TSPAN11: variants seen among roughly 807,000 people sequenced by gnomAD.
The protein encoded by TSPAN11 is tetraspanin-11.
In TSPAN11, 29 loss-of-function variants were observed where a neutral mutation model predicts 32.9. The observed-to-expected ratio is 0.88, with a 90% confidence interval of 0.66 to 1.20. The LOEUF (loss-of-function observed/expected upper bound fraction) is 1.20. TSPAN11 is among the 50% of genes most tolerant of loss of function. The probability of loss-of-function intolerance (pLI) is 0.00; values close to 1 mark genes in which losing one functional copy is unlikely to be tolerated. For synonymous variants in TSPAN11, 140 were observed against 141.3 expected, an observed-to-expected ratio of 0.99 and a Z score of 0.07; for missense variants, 283 against 329.1, an observed-to-expected ratio of 0.86 and a Z score of 1.08.
downstream of TSPAN11, among the ~76,000 whole-genome samples, chr12:31,000,621 A>G (rs1409078153): frequency 6.6e-6 from 1 of 152,112 alleles, no homozygotes; most frequent in Non-Finnish European, 1.5e-5. Context: ...AGGTTCTCCA[A>G]CTCCCAAACC....
chr12:30,982,793 G>T, intron 6 of TSPAN11, 103 bp downstream of exon 6: 1 of 1,451,064 alleles, frequency 6.9e-7, no homozygotes, highest in Non-Finnish European at 9.2e-7. Flanking sequence ...GGAAAAGCAG[G>T]ACACATGTGC....
chr12:30,952,585 G>A (rs1026346772), intron 1 of TSPAN11, among the ~76,000 whole-genome samples: 1 of 152,186 alleles, frequency 6.6e-6, no homozygotes. Context: ...GTGAGCCCAT[G>A]AGCTTGAAAT....
At position 30,951,586 on chromosome 12, in the gene TSPAN11, A is replaced by C. The variant is rs543901072; in HGVS notation, c.-11-2395A>C. 3.3e-4 allele frequency among the ~76,000 whole-genome samples: 50 copies of C among 152,338 alleles called. No homozygotes were observed. In the South Asian group the frequency reaches 0.01, roughly 31 times the overall value. On this transcript the variant is annotated intron_variant, in intron 1 of 7. Transcript: ENST00000546076. ...TATGAAATGGAAATAACCCTATTTC[A>C]TAGGGGTATTGGGAAGATGGACCGA...
At chr12:31,008,034 C>G in the TSPAN11 span, among the ~76,000 whole-genome samples, 1 of 152,150 alleles carries the variant, frequency 6.6e-6, no homozygotes, top group Non-Finnish European at 1.5e-5. Context: ...CCTGGAACCA[C>G]AGAGAGGCAG....
chr12:30,959,544 C>T (rs924940580), intron 2 of TSPAN11, among the ~76,000 whole-genome samples: 1 of 152,072 alleles, frequency 6.6e-6, no homozygotes, highest in Non-Finnish European at 1.5e-5. Context: ...CTAATAGTGC[C>T]TGAGTTACTA....
intron 1 of TSPAN11, among the ~76,000 whole-genome samples, chr12:30,928,802 C>T (rs1348632994): frequency 6.6e-6 from 1 of 152,122 alleles, no homozygotes; most frequent in Non-Finnish European, 1.5e-5. Context: ...CTAAAGTAGC[C>T]ACCTCCCAGC....
intron 2 of TSPAN11, 33 bp from the exon 3 acceptor site, chr12:30,963,793 C>T (rs1319263004): frequency 4.4e-6 from 7 of 1,592,740 alleles, no homozygotes; most frequent in African/African-American, 2.7e-5. Flanking sequence ...AGGCCCCCGC[C>T]ACCCCCTGCT....
At chr12:30,945,332 G>A (rs951214834) in intron 1 of TSPAN11, among the ~76,000 whole-genome samples, 2 of 152,146 alleles carry the variant, frequency 1.3e-5, no homozygotes, top group Non-Finnish European at 2.9e-5. Context: ...GTCAGCTCCT[G>A]AAGGAGTAAG....
chr12:30,956,805 TTAA>T (rs1938486806), intron 2 of TSPAN11, among the ~76,000 whole-genome samples: 1 of 152,222 alleles, frequency 6.6e-6, no homozygotes, highest in South Asian at 2.1e-4. Context: ...CTTGGCTGTG[TTAA>T]TAATCAAAAC....
intron 1 of TSPAN11, among the ~76,000 whole-genome samples, chr12:30,937,097 A>G (rs1469336048): frequency 6.6e-6 from 1 of 152,242 alleles, no homozygotes; most frequent in Non-Finnish European, 1.5e-5. Context: ...CCAACTTTTC[A>G]AATTCAGCAG....
Position 30,978,549 on chromosome 12 carries a change from CTT to C in TSPAN11, c.277-10_277-9del. 1 of 1,614,142 alleles carries C rather than the reference CTT, an allele frequency of 6.2e-7. No homozygotes were observed. The highest frequency in any genetic ancestry group is 1.1e-5 in the South Asian group (1 of 91,072). ...GATCCCAGTGGTGACCGTCCTCTCT[CTT>C]TGCTGCTAGTATTTCTGCCTGTTGC... On this transcript the variant is annotated splice_polypyrimidine_tract_variant and intron_variant, in intron 3 of 7. Transcript: ENST00000546076.
At chr12:30,952,065 C>T (rs1938393271) in intron 1 of TSPAN11, among the ~76,000 whole-genome samples, 1 of 152,184 alleles carries the variant, frequency 6.6e-6, no homozygotes, top group Non-Finnish European at 1.5e-5. Flanking sequence ...GCCTTGTCTT[C>T]TGCCTGAAGT....
At chr12:30,947,766 G>T (rs1476582274) in intron 1 of TSPAN11, among the ~76,000 whole-genome samples, 1 of 152,064 alleles carries the variant, frequency 6.6e-6, no homozygotes, top group Non-Finnish European at 1.5e-5. Flanking sequence ...TTATCATTCT[G>T]CCCCTAGCCC....
At chr12:31,002,023 CA>C in the TSPAN11 span, among the ~76,000 whole-genome samples, 1 of 152,104 alleles carries the variant, frequency 6.6e-6, no homozygotes, top group Non-Finnish European at 1.5e-5. This position sits in a 1 kb window ranked among gnomAD's most constrained non-coding sequence, Gnocchi z 4.8. Flanking sequence ...CCAAAATTCC[CA>C]TGACTTGGCT....
chr12:30,957,112 G>A (rs933995873), intron 2 of TSPAN11, among the ~76,000 whole-genome samples: 2 of 152,090 alleles, frequency 1.3e-5, no homozygotes, highest in Non-Finnish European at 2.9e-5. Flanking sequence ...CCTTCTCTTC[G>A]TACATCAACA....
intron 1 of TSPAN11, among the ~76,000 whole-genome samples, chr12:30,952,598 G>C (rs1423390740): frequency 6.6e-6 from 1 of 152,172 alleles, no homozygotes; most frequent in Non-Finnish European, 1.5e-5. Flanking sequence ...CTTGAAATAA[G>C]AGGCAGAACA....
chr12:31,010,925 G>A, the TSPAN11 span, among the ~76,000 whole-genome samples: 1 of 152,052 alleles, frequency 6.6e-6, no homozygotes, highest in Admixed American at 6.5e-5. Flanking sequence ...TATAAAGATC[G>A]AACAGAGGGG....
At chr12:30,944,518 T>A (rs1938228764) in intron 1 of TSPAN11, among the ~76,000 whole-genome samples, 1 of 152,220 alleles carries the variant, frequency 6.6e-6, no homozygotes, top group Non-Finnish European at 1.5e-5. Context: ...CATAAGCCAT[T>A]TCTGTGTCTA....
At chr12:31,005,846 G>T in the TSPAN11 span, 1 of 194,778 alleles carries the variant, frequency 5.1e-6, no homozygotes, top group South Asian at 1.2e-4. Flanking sequence ...CCAAGCCCAG[G>T]ATCTGAAAGA....
Sources: allele counts gnomAD v4.1 joint callset (sites outside exome capture counted in the v4.1 genomes callset), GRCh38; gene constraint gnomAD v4.1.1; non-coding constraint Gnocchi (gnomAD v3.1); transcripts MANE v1.5; gene names NCBI Gene and HGNC (gene_info 2026-07-23, HGNC 2026-07-21).